The following G2E3 variants were observed in gnomAD, a reference collection of about 807,000 sequenced individuals.
G2E3 encodes the protein G2/M phase-specific E3 ubiquitin-protein ligase.
A neutral mutation model predicts 92.8 loss-of-function variants in G2E3; 35 were observed. That is an observed-to-expected ratio of 0.38 (90% CI 0.29 to 0.50). G2E3 has a LOEUF of 0.50. Ranked by LOEUF, G2E3 falls within the 20% of genes least tolerant of loss-of-function variation. The pLI is 0.94. For synonymous variants in G2E3, 242 were observed against 272.4 expected, an observed-to-expected ratio of 0.89 and a Z score of 1.10; for missense variants, 554 against 823.8, an observed-to-expected ratio of 0.67 and a Z score of 4.01.
chr14:30,612,101 C>G, intron 12 of G2E3, 106 bp from the exon 13 acceptor site: 1 of 744,818 alleles, frequency 1.3e-6, no homozygotes, highest in Non-Finnish European at 2.3e-6. Flanking sequence ...TTACTGCACC[C>G]ATATGTACTA....
At chr14:30,568,531 T>G (rs1879571507) in intron 1 of G2E3, among the ~76,000 whole-genome samples, 1 of 152,120 alleles carries the variant, frequency 6.6e-6, no homozygotes, top group Non-Finnish European at 1.5e-5. Flanking sequence ...CCATTTTGAT[T>G]CCCTTCTCAT....
intron 12 of G2E3, among the ~76,000 whole-genome samples, chr14:30,609,836 T>A (rs947934510): frequency 2.0e-5 from 3 of 152,196 alleles, no homozygotes; most frequent in African/African-American, 7.2e-5. Context: ...TACTCCTCCA[T>A]TTTCCAGTTA....
intron 5 of G2E3, among the ~76,000 whole-genome samples, chr14:30,592,927 T>C (rs959972957): frequency 1.1e-4 from 16 of 152,172 alleles, no homozygotes; most frequent in African/African-American, 2.9e-4. Flanking sequence ...CAAGGTTTTA[T>C]GAATTTTGAC....
At chr14:30,568,707 T>A (rs412988) in intron 1 of G2E3, among the ~76,000 whole-genome samples, 1 of 152,196 alleles carries the variant, frequency 6.6e-6, no homozygotes, top group East Asian at 1.9e-4. Flanking sequence ...CTAAATGTTA[T>A]TGTGTCAAAT....
At chr14:30,586,660 A>G in intron 2 of G2E3, 58 bp from the exon 3 acceptor site, 1 of 590,622 alleles carries the variant, frequency 1.7e-6, no homozygotes, top group Non-Finnish European at 2.9e-6. Flanking sequence ...CCAATTCCAT[A>G]GGGTTTTTTT....
chr14:30,580,281 A>T (rs1345772618), intron 1 of G2E3, among the ~76,000 whole-genome samples: 1 of 152,156 alleles, frequency 6.6e-6, no homozygotes, highest in Non-Finnish European at 1.5e-5. Flanking sequence ...ATCTTGGCTC[A>T]CTGCAACCTC....
intron 10 of G2E3, among the ~76,000 whole-genome samples, chr14:30,602,526 A>G (rs1288606071): frequency 1.3e-5 from 2 of 152,346 alleles, no homozygotes; most frequent in African/African-American, 2.4e-5. Flanking sequence ...ATTTGATTAT[A>G]GAGTAAGACA....
chr14:30,559,949 A>C (rs938639119), intron 1 of G2E3: 2 of 152,116 alleles, frequency 1.3e-5, no homozygotes, highest in African/African-American at 2.4e-5. Flanking sequence ...GGTGGTGATT[A>C]ACTAGGGTCT....
chr14:30,608,201 A>T (rs960331717), intron 12 of G2E3, 132 bp downstream of exon 12: 48 of 552,874 alleles, frequency 8.7e-5, no homozygotes, highest in Non-Finnish European at 1.4e-4. Flanking sequence ...ATTTCTGTTT[A>T]CCAGTGGAGT....
intron 2 of G2E3, among the ~76,000 whole-genome samples, chr14:30,581,352 G>A (rs1006399318): frequency 6.6e-6 from 1 of 152,112 alleles, no homozygotes; most frequent in Non-Finnish European, 1.5e-5. Flanking sequence ...CAATAAAACA[G>A]TTATTTAAAG....
intron 1 of G2E3, 118 bp from the exon 2 acceptor site, chr14:30,580,958 T>A: frequency 1.5e-6 from 1 of 659,930 alleles, no homozygotes; most frequent in Non-Finnish European, 2.7e-6. Context: ...GTAAGAAAAA[T>A]TTAAATACTA....
chr14:30,583,564 AC>A (rs1462620000), intron 2 of G2E3, among the ~76,000 whole-genome samples: 1 of 152,198 alleles, frequency 6.6e-6, no homozygotes, highest in Non-Finnish European at 1.5e-5. Flanking sequence ...TTTATAATAG[AC>A]TGGTGGAATA....
intron 1 of G2E3, among the ~76,000 whole-genome samples, chr14:30,579,564 C>G (rs918880670): frequency 6.6e-6 from 1 of 152,128 alleles, no homozygotes; most frequent in African/African-American, 2.4e-5. Context: ...TAATCTGTGT[C>G]CTACATTTTG....
At chr14:30,582,703 A>G (rs1880500415) in intron 2 of G2E3, among the ~76,000 whole-genome samples, 1 of 152,206 alleles carries the variant, frequency 6.6e-6, no homozygotes, top group African/African-American at 2.4e-5. Context: ...ACAAATGGCA[A>G]TTTGCTGGAG....
At position 30,616,518 on chromosome 14, in the gene G2E3, A is replaced by G; in HGVS notation, c.2105A>G (p.His702Arg). Reference protein sequence around the residue: ...TLRLEKEESSHYIGH With the variant: ...TLRLEKEESSRYIGH ...AGACTAGAAAAGGAAGAAAGTTCTC[A>G]TTACATTGGACATTAAAATGTTTCC... The change falls in exon 15 of 15, where the codon CAT becomes CGT. Residue 702 changes from histidine to arginine, a missense_variant. His to Arg is a conservative substitution (Grantham distance 29, BLOSUM62 0). This residue lies in a region of G2E3 where 397 missense variants were observed against 560.3 expected (regional missense o/e 0.71). Coordinates refer to ENST00000206595, the MANE Select transcript of G2E3 (RefSeq NM_017769.5). 6.3e-7 allele frequency: 1 copy of G among 1,595,360 alleles called. No individual in the cohort carries two copies. The highest frequency in any genetic ancestry group is 8.6e-7 in the Non-Finnish European group (1 of 1,169,194).
rs1312233191 is a variant in G2E3 at position 30,619,218 on chromosome 14, T to C, written c.*2684T>C. ...TTTTGTTTGGGTTAAGTAAAAAGCC[T>C]TTGATTGATTACCAGCATGAGAATT... On this transcript the variant is annotated 3_prime_UTR_variant, in exon 15 of 15. Transcript: ENST00000206595. 6.6e-6 allele frequency: 1 copy of C among 152,096 alleles called. No individual in the cohort carries two copies. The highest frequency in any genetic ancestry group is 1.5e-5 in the Non-Finnish European group (1 of 67,926). The allele number at this position is 152,096 out of a possible 1,614,324, so 9.4% of individuals were successfully genotyped here. A position where few individuals can be genotyped will look rare whatever the true frequency, so the allele number is the denominator to read the frequency against.
At chr14:30,590,449 G>T in intron 4 of G2E3, 1 of 298,036 alleles carries the variant, frequency 3.4e-6, no homozygotes, top group Non-Finnish European at 6.7e-6. Context: ...TCAAGTAGTG[G>T]CCTATAATAT....
intron 5 of G2E3, 104 bp downstream of exon 5, chr14:30,592,551 C>G (rs1489512450): frequency 1.0e-5 from 9 of 871,420 alleles, no homozygotes; most frequent in African/African-American, 1.7e-5. Flanking sequence ...TTTAGAGCAT[C>G]AGAGTTTAGA....
At chr14:30,602,554 G>A (rs1196915813) in intron 10 of G2E3, among the ~76,000 whole-genome samples, 1 of 152,042 alleles carries the variant, frequency 6.6e-6, no homozygotes, top group Non-Finnish European at 1.5e-5. Context: ...AAAATATCAA[G>A]CATACCGTGT....
Sources: gnomAD v4.1 joint callset for allele counts (sites outside exome capture counted in the v4.1 genomes callset) on GRCh38, gnomAD v4.1.1 for gene constraint, gnomAD v4.1.1 regional missense constraint, MANE v1.5 for transcripts, NCBI Gene and HGNC (gene_info 2026-07-23, HGNC 2026-07-21) for gene names.